BBS5: variants seen among roughly 807,000 people sequenced by gnomAD.
BBS5 encodes BBSome complex member BBS5.
Under a neutral mutation model 50.2 loss-of-function variants are expected in BBS5, and 39 were observed. That is an observed-to-expected ratio of 0.78 (90% confidence interval 0.60 to 1.01). BBS5 has a LOEUF of 1.01. BBS5 is among the 50% of genes least tolerant of loss of function. BBS5 has a pLI of 0.00. For missense variants in BBS5, 356 were observed against 401.5 expected, an observed-to-expected ratio of 0.89 and a Z score of 0.97; for synonymous variants, 134 against 133.1, an observed-to-expected ratio of 1.01 and a Z score of -0.05.
chr2:169,493,072 T>C (rs1683629922), intron 6 of BBS5, 63 bp downstream of exon 6: 5 of 1,566,726 alleles, frequency 3.2e-6, no homozygotes, highest in Admixed American at 1.7e-5. Flanking sequence ...TTTCCATTCA[T>C]CATTGGATTT....
In BBS5 at chr2:169,503,161, C is replaced by A; in HGVS notation, c.883C>A (p.His295Asn). ...TGATGTAGAAATAGACTCTGATGGTCACACGGATGCTTTTGTGGTGAGCAT... is the reference window on the plus strand; with the variant it reads ...TGATGTAGAAATAGACTCTGATGGTAACACGGATGCTTTTGTGGTGAGCAT... The part of the protein sequence containing the change: ...QDDVEIDSDG[H>N]TDAFVAYFAD... The change falls in exon 10 of 12, where the codon CAC (histidine) becomes AAC (asparagine). Residue 295 changes from histidine (H) to asparagine (N), a missense_variant. His to Asn is a moderately conservative substitution (Grantham distance 68). Coordinates refer to ENST00000295240, the MANE Select transcript of BBS5 (RefSeq NM_152384.3). The A allele has an allele frequency of 6.2e-7, 1 of 1,613,100 alleles. No homozygotes were observed. The highest frequency in any genetic ancestry group is 1.1e-5 in the South Asian group (1 of 90,974).
At chr2:169,496,507 G>C (rs2105299672) in intron 7 of BBS5, among the ~76,000 whole-genome samples, 1 of 151,768 alleles carries the variant, frequency 6.6e-6, no homozygotes, top group Admixed American at 6.5e-5. Context: ...AGGCCTAGGT[G>C]GGTGGATCAC....
intron 8 of BBS5, 47 bp downstream of exon 8, chr2:169,497,736 T>G: frequency 7.8e-7 from 1 of 1,284,800 alleles, no homozygotes; most frequent in Non-Finnish European, 1.1e-6. Context: ...TAAAACTATG[T>G]GACAGTCTAG....
chr2:169,495,197 A>G (rs749744987), intron 7 of BBS5, among the ~76,000 whole-genome samples: 1 of 152,222 alleles, frequency 6.6e-6, no homozygotes, highest in Non-Finnish European at 1.5e-5. Context: ...ATTTCTGGCT[A>G]TCAAAAGGAA....
At chr2:169,487,749 T>G (rs1288558896) in intron 3 of BBS5, 57 bp from the exon 4 acceptor site, 1 of 1,290,332 alleles carries the variant, frequency 7.7e-7, no homozygotes, top group East Asian at 2.3e-5. Context: ...TTTAGAAAAG[T>G]ATTTTTTCTC....
chr2:169,497,999 A>G (rs1327774975), intron 8 of BBS5, among the ~76,000 whole-genome samples: 3 of 152,110 alleles, frequency 2.0e-5, no homozygotes, highest in Admixed American at 6.6e-5. Flanking sequence ...TACAGCTACT[A>G]TTTTTCCCCC....
chr2:169,501,231 T>G lies in BBS5; in HGVS notation c.816+1611T>G, dbSNP rs115081434. ...TTGGCACTGTCAAAGTCAGCTGTAC[T>G]CAAAACTTTGAAGTATTCCTTCATT... On this transcript the variant is annotated intron_variant, in intron 9 of 11. Coordinates refer to ENST00000295240, the MANE Select transcript of BBS5 (RefSeq NM_152384.3). Among the ~76,000 whole-genome samples, 1,296 of 152,352 alleles carry G rather than the reference T, an allele frequency of 8.5e-3. 8 individuals carry two copies. The highest frequency in any genetic ancestry group is 0.015 in the South Asian group (71 of 4,826).
At chr2:169,483,645 T>C (rs567996552) in intron 2 of BBS5, among the ~76,000 whole-genome samples, 10 of 152,180 alleles carry the variant, frequency 6.6e-5, no homozygotes, top group African/African-American at 2.4e-4. Flanking sequence ...ATAATGGAGA[T>C]AGAGGTGAGG....
chr2:169,484,987 A>G (rs1396285698), intron 2 of BBS5, among the ~76,000 whole-genome samples: 1 of 152,228 alleles, frequency 6.6e-6, no homozygotes, highest in African/African-American at 2.4e-5. Context: ...AAGAGGTAGC[A>G]TTAAAAATCC....
intron 9 of BBS5, among the ~76,000 whole-genome samples, 195 bp downstream of exon 9, chr2:169,499,815 C>T (rs1574342930): frequency 6.6e-6 from 1 of 152,230 alleles, no homozygotes; most frequent in Non-Finnish European, 1.5e-5. Context: ...GTGGCTGCTT[C>T]ATCATTCATT....
chr2:169,483,322 A>G (rs1264871992), intron 2 of BBS5, among the ~76,000 whole-genome samples: 1 of 152,024 alleles, frequency 6.6e-6, no homozygotes. Flanking sequence ...TAAATGCATG[A>G]ACTTTTGGTA....
At chr2:169,503,029 T>G in intron 9 of BBS5, 66 bp from the exon 10 acceptor site, 1 of 1,116,200 alleles carries the variant, frequency 9.0e-7, no homozygotes, top group Non-Finnish European at 1.4e-6. Flanking sequence ...ATTTTAACAG[T>G]ATTTGCAGTT....
intron 1 of BBS5, 30 bp downstream of exon 1, chr2:169,479,642 C>T (rs1683350199): frequency 1.2e-6 from 2 of 1,612,642 alleles, no homozygotes; most frequent in Non-Finnish European, 1.7e-6. Context: ...GAGGGATCTT[C>T]AACCCTGTAG....
At position 169,489,851 on chromosome 2, in the gene BBS5, C is replaced by CTTTTTTTTTTTTTT. The variant is rs71003093; in HGVS notation, c.386+1765_386+1778dup. ...TATTTTTTGGCTTCTCATAAATTTC[C>CTTTTTTTTTTTTTT]TTTTTTTTTTTTTTTTTTTTTTTTT... On this transcript the variant is annotated intron_variant, in intron 5 of 11. Transcript: ENST00000295240. Among the ~76,000 whole-genome samples, 6 of 65,902 alleles carry CTTTTTTTTTTTTTT rather than the reference C, an allele frequency of 9.1e-5. 1 individual carries two copies. The highest frequency in any genetic ancestry group is 1.7e-4 in the African/African-American group (2 of 12,066). 43.2% of individuals were successfully genotyped at this position (65,902 alleles called of 152,430 possible). A position where few individuals can be genotyped will look rare whatever the true frequency, so the allele number is the denominator to read the frequency against.
At chr2:169,502,351 A>G (rs560156428) in intron 9 of BBS5, among the ~76,000 whole-genome samples, 8 of 152,298 alleles carry the variant, frequency 5.3e-5, no homozygotes, top group African/African-American at 1.7e-4. Context: ...TTACTTGCAC[A>G]TAGTCACACA....
At chr2:169,499,251 G>A in intron 8 of BBS5, 1 of 483,688 alleles carries the variant, frequency 2.1e-6, no homozygotes, top group South Asian at 2.2e-5. Context: ...AGATGAAACA[G>A]GGTTGTCCAC....
chr2:169,493,695 T>C, intron 6 of BBS5, 46 bp from the exon 7 acceptor site: 6 of 1,300,254 alleles, frequency 4.6e-6, no homozygotes, highest in Non-Finnish European at 6.7e-6. Context: ...AAAGAATAGG[T>C]ACCAAAAAAA....
intron 4 of BBS5, 36 bp downstream of exon 4, chr2:169,487,891 G>T: frequency 1.9e-6 from 3 of 1,574,302 alleles, no homozygotes; most frequent in Non-Finnish European, 2.6e-6. Context: ...TATATATATA[G>T]TAAAGAAACT....
intron 9 of BBS5, among the ~76,000 whole-genome samples, chr2:169,501,639 A>C (rs983558777): frequency 1.3e-5 from 2 of 152,210 alleles, no homozygotes; most frequent in South Asian, 2.1e-4. Flanking sequence ...ACTACTCCGG[A>C]GGCTGAGATG....
Sources: allele counts gnomAD v4.1 joint callset (sites outside exome capture counted in the v4.1 genomes callset), GRCh38; gene constraint gnomAD v4.1.1; transcripts MANE v1.5; gene names NCBI Gene and HGNC (gene_info 2026-07-23, HGNC 2026-07-21).